CFAP61: variants seen among roughly 807,000 people sequenced by gnomAD.
CFAP61 encodes cilia- and flagella-associated protein 61.
In CFAP61, 107 loss-of-function variants were observed where a neutral mutation model predicts 135.6. The ratio of observed to expected loss-of-function variants is 0.79; its 90% CI spans 0.67 to 0.93. The LOEUF is 0.93. Among genes scored for constraint, CFAP61 ranks in the 40% least tolerant of loss-of-function variants. CFAP61 has a pLI of 0.00. For synonymous variants in CFAP61, 575 were observed against 578.5 expected (o/e 0.99, Z 0.09); for missense variants, 1,507 against 1,556.2 (o/e 0.97, Z 0.53).
At chr20:20,137,349 G>A (rs1005369922) in intron 8 of CFAP61, among the ~76,000 whole-genome samples, 9 of 152,210 alleles carry the variant, frequency 5.9e-5, no homozygotes, top group Admixed American at 2.0e-4. Flanking sequence ...AAGTTCCCCT[G>A]GCCCTACAGA....
intron 26 of CFAP61, among the ~76,000 whole-genome samples, chr20:20,344,799 AC>A (rs892575479): frequency 6.6e-6 from 1 of 152,088 alleles, no homozygotes; most frequent in Non-Finnish European, 1.5e-5. Context: ...ATACCTACAC[AC>A]TCATGTTTAT....
At chr20:20,174,271 G>A (rs1301489242) in intron 13 of CFAP61, among the ~76,000 whole-genome samples, 5 of 152,078 alleles carry the variant, frequency 3.3e-5, no homozygotes, top group Non-Finnish European at 5.9e-5. Context: ...TGTCGCCAGC[G>A]CACCCGCCAG....
At chr20:20,232,557 G>GT (rs1055814491) in intron 18 of CFAP61, among the ~76,000 whole-genome samples, 21 of 152,100 alleles carry the variant, frequency 1.4e-4, no homozygotes, top group African/African-American at 4.6e-4. Flanking sequence ...TCCCAAACAG[G>GT]TTTTTTTCCA....
chr20:20,224,881 A>G (rs2048628022), intron 17 of CFAP61, among the ~76,000 whole-genome samples: 1 of 152,152 alleles, frequency 6.6e-6, no homozygotes, highest in Admixed American at 6.5e-5. Context: ...CATTATGAGG[A>G]TCATTTAATT....
At chr20:20,191,538 T>C (rs1011707086) in intron 15 of CFAP61, 119 bp downstream of exon 15, 1 of 625,958 alleles carries the variant, frequency 1.6e-6, no homozygotes. Flanking sequence ...CTCCTTTTTC[T>C]GATGGATATC....
intron 22 of CFAP61, among the ~76,000 whole-genome samples, chr20:20,283,432 T>C (rs2054344891): frequency 6.6e-6 from 1 of 152,266 alleles, no homozygotes; most frequent in Admixed American, 6.5e-5. Flanking sequence ...TCTACTTATC[T>C]GTGTCTTTGT....
chr20:20,083,793 C>G (rs1354298135), intron 6 of CFAP61, among the ~76,000 whole-genome samples: 1 of 152,152 alleles, frequency 6.6e-6, no homozygotes, highest in Non-Finnish European at 1.5e-5. Context: ...CAGCTGGAGC[C>G]ATACTAGCCC....
chr20:20,251,879 C>G, intron 20 of CFAP61, 116 bp downstream of exon 20: 1 of 1,096,668 alleles, frequency 9.1e-7, no homozygotes, highest in Non-Finnish European at 1.3e-6. Context: ...GCCTGGACAG[C>G]TGCTGCTCTA....
Position 20,226,841 on chromosome 20 carries a change from A to G in CFAP61, c.1933-1408A>G, listed in dbSNP as rs2048771075. Among the ~76,000 whole-genome samples, 5 of 152,344 alleles carry G rather than the reference A, an allele frequency of 3.3e-5. No homozygotes were observed. In the South Asian group the frequency reaches 1.0e-3, roughly 32 times the overall value. On this transcript the variant is annotated intron_variant, in intron 17 of 26. Transcript: ENST00000245957. Reference sequence around the variant, plus strand: ...ATGCCACGTGGTTTACGTGAATCAGAGTCCCTCTTGAAAATGGGAGTGAGT... The same window carrying G: ...ATGCCACGTGGTTTACGTGAATCAGGGTCCCTCTTGAAAATGGGAGTGAGT...
rs1486336974 is a variant in CFAP61 at position 20,360,458 on chromosome 20, G to GT, written c.*48_*49insT. On this transcript the variant is annotated 3_prime_UTR_variant, in exon 27 of 27. Coordinates refer to ENST00000245957, the MANE Select transcript of CFAP61 (RefSeq NM_015585.4). Reference sequence around the variant, plus strand: ...ATGGTTTTCATTTATTTAGTTCCTGGAAACGCGCTCTGTAGAAATAGAAAA... The same window carrying GT: ...ATGGTTTTCATTTATTTAGTTCCTGGTAAACGCGCTCTGTAGAAATAGAAAA... 6.5e-7 allele frequency: 1 copy of GT among 1,542,568 alleles called. No individual in the cohort carries two copies. Among genetic ancestry groups the GT allele is most frequent in the Non-Finnish European group, 8.9e-7 (1 of 1,122,500 alleles).
chr20:20,319,048 C>A (rs1234181108), intron 25 of CFAP61, among the ~76,000 whole-genome samples: 1 of 152,198 alleles, frequency 6.6e-6, no homozygotes, highest in Non-Finnish European at 1.5e-5. Flanking sequence ...AAACCCTTGT[C>A]TCCGCCTCCC....
At chr20:20,309,196 G>A (rs2056666118) in intron 25 of CFAP61, among the ~76,000 whole-genome samples, 1 of 152,096 alleles carries the variant, frequency 6.6e-6, no homozygotes, top group Admixed American at 6.5e-5. Flanking sequence ...GTTTCTTTTT[G>A]AGGGTTATTT....
intron 7 of CFAP61, 82 bp from the exon 8 acceptor site, chr20:20,098,573 A>G: frequency 1.5e-6 from 2 of 1,290,654 alleles, no homozygotes; most frequent in Non-Finnish European, 2.1e-6. Context: ...ACACCACTGC[A>G]CTCCAGCCTG....
rs938563973 is a variant in CFAP61, at chr20:20,081,275, C to T, written c.566+5660C>T. On this transcript the variant is annotated intron_variant, in intron 6 of 26. Coordinates refer to ENST00000245957, the MANE Select transcript of CFAP61 (RefSeq NM_015585.4). ...ACTTACAACTGACAAAGGCAAATTTCTAAAAGTATTTTCTTAAGTTTTAGT... is the reference window on the plus strand; with the variant it reads ...ACTTACAACTGACAAAGGCAAATTTTTAAAAGTATTTTCTTAAGTTTTAGT... 2.0e-5 allele frequency among the ~76,000 whole-genome samples: 3 copies of T among 152,158 alleles called. No homozygotes were observed. The South Asian group carries it at 6.2e-4, about 32-fold the overall frequency.
chr20:20,314,391 C>CAAA (rs528868861), intron 25 of CFAP61, among the ~76,000 whole-genome samples: 1 of 58,930 alleles, frequency 1.7e-5, no homozygotes, highest in African/African-American at 5.1e-5. Flanking sequence ...GACCCCATCT[C>CAAA]AAAAAAAAAA....
intron 20 of CFAP61, among the ~76,000 whole-genome samples, chr20:20,256,859 T>C (rs1055454790): frequency 4.6e-5 from 7 of 152,222 alleles, no homozygotes; most frequent in Admixed American, 3.9e-4. Flanking sequence ...TCAGTTATGT[T>C]CTGACAGAAT....
chr20:20,096,854 A>G (rs1302414295), intron 7 of CFAP61, among the ~76,000 whole-genome samples: 1 of 152,232 alleles, frequency 6.6e-6, no homozygotes, highest in East Asian at 1.9e-4. Flanking sequence ...TTGGACTTTT[A>G]TTAAAGTGTC....
chr20:20,340,854 C>T lies in CFAP61; in HGVS notation c.3423-977C>T, dbSNP rs546173306. 9.9e-5 allele frequency among the ~76,000 whole-genome samples: 15 copies of T among 152,232 alleles called. No individual in the cohort carries two copies. The South Asian group carries it at 1.0e-3, about 11-fold the overall frequency. The stretch of plus-strand genomic sequence containing the variant: ...GAACTGATGCCATGTTCTGATCCAG[C>T]GAGTGGGCGTGGGGTGAGGCCTGAT... On this transcript the variant is annotated intron_variant, in intron 25 of 26. Transcript: ENST00000245957.
Position 20,092,159 on chromosome 20 carries a change from T to G in CFAP61, c.699+1183T>G, listed in dbSNP as rs553246600. Among the ~76,000 whole-genome samples the G allele has an allele frequency of 2.1e-4, 32 of 152,354 alleles. 1 individual carries two copies. The highest frequency in any genetic ancestry group is 6.8e-3 in the Middle Eastern group (2 of 294). On this transcript the variant is annotated intron_variant, in intron 7 of 26. Coordinates refer to ENST00000245957, the MANE Select transcript of CFAP61 (RefSeq NM_015585.4). ...GATCCGTCTTTATCTTCCATGACAA[T>G]TACAGTTTTGAATAGTACAGGTCAG... is the stretch of plus-strand genomic sequence containing the variant.
Sources: allele counts gnomAD v4.1 joint callset (sites outside exome capture counted in the v4.1 genomes callset), GRCh38; gene constraint gnomAD v4.1.1; transcripts MANE v1.5; gene names NCBI Gene and HGNC (gene_info 2026-07-23, HGNC 2026-07-21).